The following MADD variants were observed in gnomAD, a reference collection of about 807,000 sequenced individuals.
MADD encodes the protein MAP kinase activating death domain.
A neutral mutation model predicts 176.7 loss-of-function variants in MADD; 109 were observed. The ratio of observed to expected loss-of-function variants is 0.62; its 90% CI spans 0.53 to 0.72. The LOEUF (loss-of-function observed/expected upper bound fraction) is 0.72, where lower values mean the gene tolerates loss of function less well. Among genes scored for constraint, MADD ranks in the 30% least tolerant of loss-of-function variants. The pLI is 0.00. For synonymous variants in MADD, 771 were observed against 771.3 expected (o/e 1.00, Z 0.01); for missense variants, 1,914 against 2,045.5 (o/e 0.94, Z 1.24).
chr11:47,289,472 A>G (rs539915564), exon 16 of MADD: 1 of 1,614,058 alleles, frequency 6.2e-7, no homozygotes, highest in Non-Finnish European at 8.5e-7. Context: ...CCATCACCCC[A>G]GGGTCGATCC....
At chr11:47,273,888 T>A (rs2047282880) in exon 2 of MADD, 2 of 1,608,544 alleles carry the variant, frequency 1.2e-6, no homozygotes, top group Non-Finnish European at 1.7e-6. Flanking sequence ...CTGATGCTTC[T>A]CTGAGATAAA....
intron 22 of MADD, among the ~76,000 whole-genome samples, chr11:47,302,222 TTGTG>T (rs921424106): frequency 6.6e-6 from 1 of 152,204 alleles, no homozygotes; most frequent in African/African-American, 2.4e-5. Context: ...TAGGTTTTTT[TTGTG>T]TGTGTGAGAC....
intron 31 of MADD, 56 bp from the exon 36 acceptor site, chr11:47,328,602 C>T: frequency 6.2e-7 from 1 of 1,612,266 alleles, no homozygotes; most frequent in Non-Finnish European, 8.5e-7. Flanking sequence ...GGGAGCATGG[C>T]ACGATTGCTC....
exon 11 of MADD, chr11:47,284,196 T>C: frequency 6.2e-7 from 1 of 1,613,738 alleles, no homozygotes; most frequent in Non-Finnish European, 8.5e-7. Context: ...ATAGTATGGA[T>C]TATGACGATT....
intron 14 of MADD, among the ~76,000 whole-genome samples, chr11:47,285,968 T>C (rs905627350): frequency 1.3e-4 from 20 of 152,226 alleles, no homozygotes; most frequent in African/African-American, 4.8e-4. Flanking sequence ...GAATGTGCTT[T>C]GAAATCGATA....
chr11:47,323,270 A>G (rs116297050), intron 27 of MADD, among the ~76,000 whole-genome samples: 2,190 of 150,912 alleles, frequency 0.015, 55 homozygotes, highest in African/African-American at 0.05. Flanking sequence ...AGCCAATGTG[A>G]TGGTGTGCAC....
chr11:47,289,007 C>T (rs753721239), intron 15 of MADD: 3 of 1,595,498 alleles, frequency 1.9e-6, no homozygotes, highest in Admixed American at 3.7e-5. Context: ...GTTACTGAAG[C>T]CGGCCCCGGG....
At chr11:47,326,973 A>T (rs1827052753) in intron 31 of MADD, 166 bp downstream of exon 35, 5 of 1,396,920 alleles carry the variant, frequency 3.6e-6, no homozygotes, top group East Asian at 2.6e-5. Context: ...GAGAGCCGGG[A>T]TGTGGAAGGG....
At chr11:47,311,835 C>T (rs146118440) in exon 26 of MADD, 71 of 1,611,380 alleles carry the variant, frequency 4.4e-5, no homozygotes, top group African/African-American at 1.2e-4. Flanking sequence ...GATCAGCTGG[C>T]GAACCTGGTA....
Position 47,325,777 on chromosome 11 carries a change from G to A in MADD, c.4543-961G>A, listed in dbSNP as rs975163479. 2.0e-5 allele frequency among the ~76,000 whole-genome samples: 3 copies of A among 152,186 alleles called. No homozygotes were observed. The highest frequency in any genetic ancestry group is 7.2e-5 in the African/African-American group (3 of 41,430). ...TGAAGATGAGATCTTGCTGAGCAAC[G>A]CCCAGGTGCTCTGCCCTGTTCCTCG... On this transcript the variant is annotated intron_variant, in intron 30 of 32. Coordinates refer to ENST00000402192, the Ensembl canonical transcript of MADD. This position sits in a 1 kb window ranked among gnomAD's most constrained non-coding sequence, Gnocchi z 4.5.
In MADD at chr11:47,307,130, T is replaced by C. The variant is rs1454013286; in HGVS notation, c.3643-1461T>C. Among the ~76,000 whole-genome samples the C allele has an allele frequency of 2.0e-5, 3 of 151,720 alleles. No individual in the cohort carries two copies. In the South Asian group the frequency reaches 6.2e-4, roughly 32 times the overall value. ...GTTCTTGCTATGTTGCCCAGGCTGG[T>C]CTTGAACTTCTGGGCTTAAGTGATC... On this transcript the variant is annotated intron_variant, in intron 22 of 32. Coordinates refer to ENST00000402192, the Ensembl canonical transcript of MADD.
At chr11:47,273,832 G>T in exon 2 of MADD, 1 of 1,263,096 alleles carries the variant, frequency 7.9e-7, no homozygotes. Flanking sequence ...ATTAGACTTC[G>T]ATTTTCAGAA....
Position 47,325,948 on chromosome 11 carries a change from GC to G in MADD, c.4543-785del, listed in dbSNP as rs2095410706. On this transcript the variant is annotated intron_variant, in intron 30 of 32. Coordinates refer to ENST00000402192, the Ensembl canonical transcript of MADD. This position sits in a 1 kb window ranked among gnomAD's most constrained non-coding sequence, Gnocchi z 4.5. Reference sequence around the variant, plus strand: ...ACAGTTAGTAATGAGATAGCGACCTGCCCCCTATTCTGCCACACAGTGTTCA... The same window carrying G: ...ACAGTTAGTAATGAGATAGCGACCTGCCCCTATTCTGCCACACAGTGTTCA... Among the ~76,000 whole-genome samples the G allele has an allele frequency of 6.6e-6, 1 of 152,356 alleles. No homozygotes were observed. The highest frequency in any genetic ancestry group is 6.5e-5 in the Admixed American group (1 of 15,302).
chr11:47,329,350 C>T, exon 33 of MADD: 1 of 586,128 alleles, frequency 1.7e-6, no homozygotes, highest in South Asian at 2.0e-5. Context: ...CCTCTCCACT[C>T]CCAGAAGACC....
chr11:47,310,016 ATTT>A (rs1180898770), intron 25 of MADD, among the ~76,000 whole-genome samples: 2 of 151,378 alleles, frequency 1.3e-5, no homozygotes, highest in African/African-American at 4.8e-5. Flanking sequence ...TAGTTTTTGT[ATTT>A]TTAGTAGAGA....
exon 9 of MADD, chr11:47,282,406 T>G: frequency 6.2e-7 from 1 of 1,614,156 alleles, no homozygotes. Flanking sequence ...GTTCTTCAAT[T>G]CCGCCAACGT....
chr11:47,297,789 C>CTTTTTTTT (rs35063043), intron 22 of MADD, among the ~76,000 whole-genome samples: 15 of 113,380 alleles, frequency 1.3e-4, no homozygotes, highest in Non-Finnish European at 2.3e-4. Context: ...TTCTTTCTTT[C>CTTTTTTTT]TTTTTTTTTT....
chr11:47,285,039 C>G, exon 13 of MADD: 2 of 1,614,112 alleles, frequency 1.2e-6, no homozygotes, highest in South Asian at 1.1e-5. Flanking sequence ...CGAACGTGGA[C>G]AGACGTCAGG....
At chr11:47,295,734 T>G (rs1048946415) in intron 21 of MADD, 155 bp downstream of exon 23, 1 of 985,224 alleles carries the variant, frequency 1.0e-6, no homozygotes, top group African/African-American at 1.7e-5. Context: ...GTATACGAGA[T>G]TTCACCCAGA....
Sources: allele counts gnomAD v4.1 joint callset (sites outside exome capture counted in the v4.1 genomes callset), GRCh38; gene constraint gnomAD v4.1.1; non-coding constraint Gnocchi (gnomAD v3.1); transcripts MANE v1.5; gene names NCBI Gene and HGNC (gene_info 2026-07-23, HGNC 2026-07-21).